The following GDF10 variants were observed in gnomAD, a reference collection of about 807,000 sequenced individuals.
The protein encoded by GDF10 is growth differentiation factor 10, also known as growth/differentiation factor 10.
Under a neutral mutation model 32.1 loss-of-function variants are expected in GDF10, and 23 were observed. That is an observed-to-expected ratio of 0.72 (90% CI 0.52 to 1.02). The LOEUF is 1.02. Among genes scored for constraint, GDF10 ranks in the 50% least tolerant of loss-of-function variants. The probability of loss-of-function intolerance (pLI) is 0.00; values close to 1 mark genes in which losing one functional copy is unlikely to be tolerated. For synonymous variants in GDF10, 328 were observed against 303.1 expected (o/e 1.08, Z -0.85); for missense variants, 764 against 673.9 (o/e 1.13, Z -1.48).
chr10:47,306,038 C>T (rs1024192637), intron 1 of GDF10, among the ~76,000 whole-genome samples: 1 of 152,124 alleles, frequency 6.6e-6, no homozygotes, highest in African/African-American at 2.4e-5. Context: ...GTACAAGCCC[C>T]GACTCCACCC....
At position 47,300,735 on chromosome 10, in the gene GDF10, C is replaced by T. The variant is rs782357108; in HGVS notation, c.84C>T (p.Leu28=). Residue 28 remains leucine, a synonymous_variant, in exon 1 of 3, where the codon CTC becomes CTT. Coordinates refer to ENST00000580279, the MANE Select transcript of GDF10 (RefSeq NM_004962.5). ...LLLLPLFLLL[L]RDVAGSHRAP... ...TGCTGCCGTTGTTTCTGCTGTTGCT[C>T]CGGGATGTGGCCGGCAGCCACAGGG... The T allele has an allele frequency of 2.0e-5, 31 of 1,573,046 alleles. No homozygotes were observed. The highest frequency in any genetic ancestry group is 2.5e-5 in the Non-Finnish European group (29 of 1,163,482).
Position 47,300,915 on chromosome 10 carries a change from G to T in GDF10, c.264G>T (p.Arg88=), listed in dbSNP as rs2061002478. 1.9e-6 allele frequency: 3 copies of T among 1,554,748 alleles called. No homozygotes were observed. In the African/African-American group the frequency reaches 4.2e-5, roughly 22 times the overall value. The change falls in exon 1 of 3, where the codon CGG becomes CGT. Residue 88 remains arginine, a synonymous_variant. Transcript: ENST00000580279. ...ACAGGCTCTATGAGAAGTACAGCCG[G>T]CAGGGCGCGCGGCCGGGAGGGGGCA... ...HMHRLYEKYS[R]QGARPGGGNT... is the part of the protein sequence containing the mutation.
At position 47,311,732 on chromosome 10, in the gene GDF10, A is replaced by G. The variant is rs190224910; in HGVS notation, c.1246-869A>G. Among the ~76,000 whole-genome samples, 407 of 152,314 alleles carry G rather than the reference A, an allele frequency of 2.7e-3. 1 individual carries two copies. Among genetic ancestry groups the G allele is most frequent in the African/African-American group, 8.7e-3 (360 of 41,570 alleles). ...CCTGAAGGCTTGCAGCTGGTTGGCC[A>G]TGCGGTTAGCTTATCACCCTGGCTT... is the stretch of plus-strand genomic sequence containing the variant. On this transcript the variant is annotated intron_variant, in intron 2 of 2. Coordinates refer to ENST00000580279, the MANE Select transcript of GDF10 (RefSeq NM_004962.5).
At chr10:47,302,186 C>A (rs1261223298) in intron 1 of GDF10, among the ~76,000 whole-genome samples, 1 of 152,218 alleles carries the variant, frequency 6.6e-6, no homozygotes, top group African/African-American at 2.4e-5. Flanking sequence ...ATGAACATGA[C>A]CTTGGGTAAA....
At chr10:47,302,097 A>G (rs1465435275) in intron 1 of GDF10, among the ~76,000 whole-genome samples, 1 of 152,158 alleles carries the variant, frequency 6.6e-6, no homozygotes, top group African/African-American at 2.4e-5. Flanking sequence ...CTCCATCCTC[A>G]CTCATAACTT....
chr10:47,303,996 G>A (rs1384209451), intron 1 of GDF10, among the ~76,000 whole-genome samples: 1 of 152,190 alleles, frequency 6.6e-6, no homozygotes, highest in Non-Finnish European at 1.5e-5. Flanking sequence ...AGGCCTGGGG[G>A]GTGGCATATA....
Position 47,310,148 on chromosome 10 carries a change from G to A in GDF10, c.672G>A (p.Gln224=). 6.2e-7 allele frequency: 1 copy of A among 1,611,922 alleles called. No homozygotes were observed. The highest frequency in any genetic ancestry group is 8.5e-7 in the Non-Finnish European group (1 of 1,179,474). Residue 224 remains glutamine, a synonymous_variant, in exon 2 of 3, where the codon CAG becomes CAA. Transcript: ENST00000580279. The stretch of plus-strand genomic sequence containing the variant: ...ATGGCGAGCTGCTCCTCTCCGCCCA[G>A]CTGGATTCTGAGGAGAGGGACCCGG... ...RRDGELLLSA[Q]LDSEERDPGV... is the part of the protein sequence containing the mutation.
chr10:47,300,329 G>C lies in GDF10; in HGVS notation c.-323G>C, dbSNP rs1340741163. The C allele has an allele frequency of 1.6e-5, 4 of 247,510 alleles. No homozygotes were observed. The highest frequency in any genetic ancestry group is 7.6e-5 in the East Asian group (1 of 13,122). 15.3% of individuals were successfully genotyped at this position (247,510 alleles called of 1,614,324 possible). A position where few individuals can be genotyped will look rare whatever the true frequency, so the allele number is the denominator to read the frequency against. On this transcript the variant is annotated 5_prime_UTR_variant, in exon 1 of 3. Coordinates refer to ENST00000580279, the MANE Select transcript of GDF10 (RefSeq NM_004962.5). ...CCCCGCCCCGCCCCTCGAAGCAGCCGGGCCGGGCGCGCAGTGGGCTACAAA... is the reference window on the plus strand; with the variant it reads ...CCCCGCCCCGCCCCTCGAAGCAGCCCGGCCGGGCGCGCAGTGGGCTACAAA...
intron 2 of GDF10, 127 bp from the exon 3 acceptor site, chr10:47,312,474 G>C: frequency 2.0e-6 from 1 of 498,800 alleles, no homozygotes; most frequent in Non-Finnish European, 3.5e-6. Flanking sequence ...CTAGGTGGAT[G>C]CCTATTCTGT....
intron 1 of GDF10, among the ~76,000 whole-genome samples, chr10:47,308,025 G>A (rs550964992): frequency 1.7e-4 from 26 of 152,302 alleles, no homozygotes; most frequent in East Asian, 7.7e-4. Flanking sequence ...AGGGCGTGGC[G>A]CCACTGAGTC....
intron 2 of GDF10, 74 bp from the exon 3 acceptor site, chr10:47,312,527 C>CT: frequency 3.4e-6 from 3 of 882,196 alleles, no homozygotes; most frequent in Non-Finnish European, 5.2e-6. Context: ...TGGCCTGGGA[C>CT]TGTGAGGATG....
intron 2 of GDF10, 105 bp from the exon 3 acceptor site, chr10:47,312,496 G>A: frequency 3.4e-6 from 2 of 581,806 alleles, no homozygotes; most frequent in East Asian, 6.5e-5. Context: ...GCCTCAGCCG[G>A]GGAACAACAG....
intron 1 of GDF10, among the ~76,000 whole-genome samples, chr10:47,301,805 G>T (rs935234844): frequency 6.6e-6 from 1 of 152,230 alleles, no homozygotes; most frequent in African/African-American, 2.4e-5. Context: ...GAAAATGTGG[G>T]TGGGGGTCTC....
Position 47,310,326 on chromosome 10 carries a change from GCGGACCCCCGC to G in GDF10, c.851_861del (p.Ala284GlyfsTer21). 1.2e-6 allele frequency: 2 copies of G among 1,605,950 alleles called. No individual in the cohort carries two copies. The highest frequency in any genetic ancestry group is 1.7e-6 in the Non-Finnish European group (2 of 1,176,866). ...GCCCCGCGCAGCCCCCAACAACTCAGCGGACCCCCGCGTGCGCCGAGCCGCGCAGGCCACTG... is the reference window on the plus strand; with the variant it reads ...GCCCCGCGCAGCCCCCAACAACTCAGGTGCGCCGAGCCGCGCAGGCCACTG... On this transcript the variant is annotated frameshift_variant, in exon 2 of 3. Transcript: ENST00000580279. LOFTEE classifies it high-confidence loss of function.
chr10:47,302,493 G>A (rs1399216337), intron 1 of GDF10, among the ~76,000 whole-genome samples: 3 of 152,212 alleles, frequency 2.0e-5, no homozygotes, highest in Admixed American at 6.5e-5. Context: ...ACACGGGTGA[G>A]CCTGCCCACT....
At chr10:47,303,840 C>T (rs1398216898) in intron 1 of GDF10, among the ~76,000 whole-genome samples, 1 of 152,202 alleles carries the variant, frequency 6.6e-6, no homozygotes, top group Non-Finnish European at 1.5e-5. Flanking sequence ...TCAAAAATGC[C>T]AAAATTCAAG....
chr10:47,301,176 G>A (rs1488628456), intron 1 of GDF10, among the ~76,000 whole-genome samples: 3 of 152,224 alleles, frequency 2.0e-5, no homozygotes, highest in African/African-American at 7.2e-5. Flanking sequence ...TGGCACAGAG[G>A]TCCTGCCCCT....
At position 47,300,641 on chromosome 10, in the gene GDF10, C is replaced by G. The variant is rs782222181; in HGVS notation, c.-11C>G. 29 of 1,582,026 alleles carry G rather than the reference C, an allele frequency of 1.8e-5. No individual in the cohort carries two copies. The Admixed American group carries it at 5.0e-4, about 27-fold the overall frequency. On this transcript the variant is annotated 5_prime_UTR_variant, in exon 1 of 3. Transcript: ENST00000580279. The stretch of plus-strand genomic sequence containing the variant: ...TCCTGGACTTCGGCCCTTTGCCGCC[C>G]TCACCACGCCATGGCTCATGTCCCC...
chr10:47,310,064 A>G lies in GDF10; in HGVS notation c.588A>G (p.Pro196=), dbSNP rs782212243. ...GCGGGGCCATGGCCCTGGCGCCCCCACCGCGCGGCCTGTGGCAGGCCAAGG... is the reference window on the plus strand; with the variant it reads ...GCGGGGCCATGGCCCTGGCGCCCCCGCCGCGCGGCCTGTGGCAGGCCAAGG... ...LLRGAMALAP[P]PRGLWQAKDI... The change falls in exon 2 of 3, where the codon CCA becomes CCG. Residue 196 remains proline, a synonymous_variant. Coordinates refer to ENST00000580279, the MANE Select transcript of GDF10 (RefSeq NM_004962.5). 2.4e-5 allele frequency: 38 copies of G among 1,604,738 alleles called. No homozygotes were observed. Among genetic ancestry groups the G allele is most frequent in the Non-Finnish European group, 3.1e-5 (36 of 1,176,208 alleles).
Sources: allele counts gnomAD v4.1 joint callset (sites outside exome capture counted in the v4.1 genomes callset), GRCh38; gene constraint gnomAD v4.1.1; transcripts MANE v1.5; gene names NCBI Gene and HGNC (gene_info 2026-07-23, HGNC 2026-07-21).